The following COL1A2 variants were observed in gnomAD, a reference collection of about 807,000 sequenced individuals.
COL1A2 encodes the protein collagen alpha-2(I) chain.
In COL1A2, 49 loss-of-function variants were observed where a neutral mutation model predicts 174.3. The ratio of observed to expected loss-of-function variants is 0.28; its 90% confidence interval spans 0.22 to 0.36. The LOEUF (loss-of-function observed/expected upper bound fraction) is 0.36. COL1A2 is among the 10% of genes least tolerant of loss of function. The pLI, the probability that COL1A2 is intolerant of heterozygous loss-of-function variation, is 1.00. For synonymous variants in COL1A2, 655 were observed against 606.6 expected (o/e 1.08, Z -1.17); for missense variants, 1,438 against 1,822.7 (o/e 0.79, Z 3.84).
intron 41 of COL1A2, 63 bp from the exon 42 acceptor site, chr7:94,425,054 G>A (rs1584329322): frequency 6.9e-7 from 1 of 1,443,770 alleles, no homozygotes; most frequent in Admixed American, 1.7e-5. Flanking sequence ...GGTTGTTTTG[G>A]AGGGGAAGGT....
At chr7:94,396,314 TTGTGTGTG>T (rs60833112) in intron 1 of COL1A2, among the ~76,000 whole-genome samples, 89 of 149,738 alleles carry the variant, frequency 5.9e-4, no homozygotes, top group Admixed American at 2.3e-3. Flanking sequence ...ATTTGTGTGC[TTGTGTGTG>T]TGTGTGTGTG....
In COL1A2 at chr7:94,410,947, GCTGT is replaced by G. The variant is rs752301995; in HGVS notation, c.1251+8_1251+11del. On this transcript the variant is annotated splice_donor_region_variant and intron_variant, in intron 22 of 51. Coordinates refer to ENST00000297268, the MANE Select transcript of COL1A2 (RefSeq NM_000089.4). ...GATGGCAGAGCTGGCGTCATGGTAA[GCTGT>G]CTATCACTTACTTCCTAGAAAGGGG... 15 of 1,614,008 alleles carry G rather than the reference GCTGT, an allele frequency of 9.3e-6. No individual in the cohort carries two copies. The South Asian group carries it at 1.3e-4, about 14-fold the overall frequency.
intron 25 of COL1A2, 138 bp from the exon 26 acceptor site, chr7:94,412,945 T>C (rs1791958910): frequency 1.1e-6 from 1 of 870,306 alleles, no homozygotes; most frequent in African/African-American, 1.6e-5. Flanking sequence ...GGATCATCCT[T>C]AGATAACAGA....
At chr7:94,422,021 G>A (rs752196098) in intron 39 of COL1A2, 69 bp downstream of exon 39, 22 of 1,337,110 alleles carry the variant, frequency 1.6e-5, no homozygotes, top group Non-Finnish European at 2.3e-5. Flanking sequence ...ATAGGAAACT[G>A]GTAAGAAACT....
rs993860213 is a variant in COL1A2 at position 94,430,941 on chromosome 7, C to T, written c.*548C>T. 6.4e-6 allele frequency: 1 copy of T among 155,394 alleles called. No individual in the cohort carries two copies. Among genetic ancestry groups the T allele is most frequent in the Non-Finnish European group, 1.4e-5 (1 of 69,952 alleles). 9.6% of individuals were successfully genotyped at this position (155,394 alleles called of 1,614,324 possible). A position where few individuals can be genotyped will look rare whatever the true frequency, so the allele number is the denominator to read the frequency against. ...TGCTAGAAGAATTTGAGAAGAAATA[C>T]TCCTGTATTGAGTTGTATCGTGTGG... is the stretch of plus-strand genomic sequence containing the variant. On this transcript the variant is annotated 3_prime_UTR_variant, in exon 52 of 52. Coordinates refer to ENST00000297268, the MANE Select transcript of COL1A2 (RefSeq NM_000089.4).
rs1338875562 is a variant in COL1A2, at chr7:94,428,415, T to C, written c.3649T>C (p.Tyr1217His). The change falls in exon 50 of 52, where the codon TAT becomes CAT. Residue 1217 changes from tyrosine (Y) to histidine (H), a missense_variant. Tyr to His is a moderately conservative substitution (Grantham distance 83, BLOSUM62 2). This residue lies in a region of COL1A2 where 290 missense variants were observed against 298.1 expected (regional missense o/e 0.97). Transcript: ENST00000297268. ...QPENIPAKNW[Y>H]RSSKDKKHVW... The stretch of plus-strand genomic sequence containing the variant: ...TGAAAACATCCCAGCCAAGAACTGG[T>C]ATAGGAGCTCCAAGGACAAGAAACA... 6.2e-7 allele frequency: 1 copy of C among 1,613,970 alleles called. No homozygotes were observed. Among genetic ancestry groups the C allele is most frequent in the African/African-American group, 1.3e-5 (1 of 74,906 alleles).
chr7:94,412,217 A>C (rs1279446141), intron 24 of COL1A2, 96 bp downstream of exon 24: 2 of 1,029,330 alleles, frequency 1.9e-6, no homozygotes, highest in African/African-American at 1.6e-5. Flanking sequence ...ACACATTGAA[A>C]ATAAATATCA....
chr7:94,399,916 G>C (rs1791654367), intron 4 of COL1A2, among the ~76,000 whole-genome samples: 1 of 152,076 alleles, frequency 6.6e-6, no homozygotes, highest in Admixed American at 6.5e-5. Flanking sequence ...CATACATTTT[G>C]GCTATAATTT....
At chr7:94,412,885 G>T (rs913866440) in intron 25 of COL1A2, among the ~76,000 whole-genome samples, 198 bp from the exon 26 acceptor site, 4 of 152,186 alleles carry the variant, frequency 2.6e-5, no homozygotes, top group Admixed American at 6.5e-5. Flanking sequence ...TGAGCCCCAT[G>T]CTTCCACAGA....
Position 94,417,848 on chromosome 7 carries a change from A to G in COL1A2, c.1971+17A>G, listed in dbSNP as rs1057524258. Reference sequence around the variant, plus strand: ...GGAGAAAAGGTACGTGTTGACCCCTATTACATATTGTTGATGAACTCTAGT... The same window carrying G: ...GGAGAAAAGGTACGTGTTGACCCCTGTTACATATTGTTGATGAACTCTAGT... On this transcript the variant is annotated intron_variant, in intron 32 of 51. Coordinates refer to ENST00000297268, the MANE Select transcript of COL1A2 (RefSeq NM_000089.4). 4 of 1,564,140 alleles carry G rather than the reference A, an allele frequency of 2.6e-6. No individual in the cohort carries two copies. Among genetic ancestry groups the G allele is most frequent in the South Asian group, 1.2e-5 (1 of 85,594 alleles).
At chr7:94,426,831 GA>G (rs916974058) in intron 46 of COL1A2, 176 bp from the exon 47 acceptor site, 154 of 651,040 alleles carry the variant, frequency 2.4e-4, no homozygotes, top group East Asian at 1.6e-3. Context: ...AATAGGTTGT[GA>G]AAAAAAAATT....
Position 94,417,739 on chromosome 7 carries a change from G to A in COL1A2, c.1879G>A (p.Val627Ile). Residue 627 changes from valine to isoleucine, a missense_variant, in exon 32 of 52, where the codon GTT (valine) becomes ATT (isoleucine). Physicochemically the swap from Val to Ile is conservative, Grantham distance 29. This residue lies in a region of COL1A2 where 867 missense variants were observed against 1,213.7 expected (regional missense o/e 0.71). Transcript: ENST00000297268. The part of the protein sequence containing the change: ...PDGNKGEPGV[V>I]GAVGTAGPSG... ...TTGACTCAAGGGTGAACCTGGTGTG[G>A]TTGGTGCTGTGGGCACTGCTGGTCC... The A allele has an allele frequency of 6.3e-7, 1 of 1,595,966 alleles. No individual in the cohort carries two copies. The highest frequency in any genetic ancestry group is 8.5e-7 in the Non-Finnish European group (1 of 1,170,856).
chr7:94,400,075 T>A (rs1300047781), intron 4 of COL1A2, 121 bp from the exon 5 acceptor site: 1 of 862,112 alleles, frequency 1.2e-6, no homozygotes, highest in Non-Finnish European at 2.0e-6. Context: ...ACAAATATAG[T>A]ATATTAAATT....
chr7:94,411,959 A>G (rs1237134984), intron 23 of COL1A2, 109 bp from the exon 24 acceptor site: 3 of 859,650 alleles, frequency 3.5e-6, no homozygotes, highest in Middle Eastern at 2.1e-4. Flanking sequence ...ACCCTAGGCA[A>G]CAAACAAAAA....
In COL1A2 at chr7:94,405,735, A is replaced by G. The variant is rs762614380; in HGVS notation, c.540+9A>G. 7 of 1,611,038 alleles carry G rather than the reference A, an allele frequency of 4.3e-6. No individual in the cohort carries two copies. In the East Asian group the frequency reaches 1.3e-4, roughly 31 times the overall value. On this transcript the variant is annotated intron_variant, in intron 11 of 51. Coordinates refer to ENST00000297268, the MANE Select transcript of COL1A2 (RefSeq NM_000089.4). ...GCTTCAAAGGCATTAGGGTGAGCAC[A>G]TTCTTTACTCAGAAGAGAGAAAATG...
intron 32 of COL1A2, 36 bp downstream of exon 32, chr7:94,417,867 C>T: frequency 1.3e-6 from 2 of 1,517,940 alleles, no homozygotes; most frequent in Non-Finnish European, 1.8e-6. Context: ...TGTTGATGAA[C>T]TCTAGTAAAG....
In COL1A2 at chr7:94,409,811, G is replaced by A. The variant is rs1390958828; in HGVS notation, c.1025G>A (p.Arg342Lys). The A allele has an allele frequency of 5.6e-6, 9 of 1,614,004 alleles. No individual in the cohort carries two copies. The highest frequency in any genetic ancestry group is 7.6e-6 in the Non-Finnish European group (9 of 1,180,040). The stretch of plus-strand genomic sequence containing the variant: ...GGTGCTGCCGGTGCTACTGGTGCCA[G>A]AGGACTTGTTGTAAGTGGTCATGAC... ...PVGAAGATGARGLVGEPGPAG... is the reference protein window; with the variant it reads ...PVGAAGATGAKGLVGEPGPAG... Residue 342 changes from arginine (R) to lysine (K), a missense_variant, in exon 19 of 52, where the codon AGA becomes AAA. Transcript: ENST00000297268.
chr7:94,402,584 A>G (rs1791708969), intron 6 of COL1A2, among the ~76,000 whole-genome samples: 1 of 152,092 alleles, frequency 6.6e-6, no homozygotes, highest in Non-Finnish European at 1.5e-5. Context: ...TTTGAAGGGA[A>G]AAATGCTAAT....
chr7:94,397,043 T>C (rs1485422493), intron 1 of COL1A2, among the ~76,000 whole-genome samples: 1 of 152,210 alleles, frequency 6.6e-6, no homozygotes, highest in African/African-American at 2.4e-5. Flanking sequence ...GGTTTTTCCA[T>C]TTATACAAAA....
Sources: gnomAD v4.1 joint callset for allele counts (sites outside exome capture counted in the v4.1 genomes callset) on GRCh38, gnomAD v4.1.1 for gene constraint, gnomAD v4.1.1 regional missense constraint, MANE v1.5 for transcripts, NCBI Gene and HGNC (gene_info 2026-07-23, HGNC 2026-07-21) for gene names.